Variants in HMGCLL1 observed in about 807,000 individuals in gnomAD.
HMGCLL1 encodes 3-hydroxy-3-methylglutaryl-CoA lyase like 1, also known as 3-hydroxymethyl-3-methylglutaryl-CoA lyase, cytoplasmic.
In HMGCLL1, 36 loss-of-function variants were observed where a neutral mutation model predicts 39.1. The observed-to-expected ratio is 0.92, with a 90% CI of 0.71 to 1.22. HMGCLL1 has a LOEUF of 1.22. Among genes scored for constraint, HMGCLL1 ranks in the 50% most tolerant of loss-of-function variants. The pLI, the probability that HMGCLL1 is intolerant of heterozygous loss-of-function variation, is 0.00. For missense variants in HMGCLL1, 451 were observed against 416.5 expected (o/e 1.08, Z -0.72); for synonymous variants, 149 against 144.0 (o/e 1.03, Z -0.25).
chr6:55,470,101 G>C (rs1033517560), intron 7 of HMGCLL1, among the ~76,000 whole-genome samples: 1 of 151,854 alleles, frequency 6.6e-6, no homozygotes, highest in African/African-American at 2.4e-5. Flanking sequence ...GTCGTTCCTT[G>C]CTGAAGACTC....
At chr6:55,608,052 T>C in the HMGCLL1 span, among the ~76,000 whole-genome samples, 2 of 152,186 alleles carry the variant, frequency 1.3e-5, no homozygotes, top group African/African-American at 4.8e-5. Flanking sequence ...CCAAGACCAT[T>C]TTCTCTCTCC....
chr6:55,516,016 A>G (rs958320745), intron 4 of HMGCLL1, among the ~76,000 whole-genome samples: 89 of 152,054 alleles, frequency 5.9e-4, no homozygotes, highest in Non-Finnish European at 1.2e-3. Flanking sequence ...TAAATCACAG[A>G]GGATCAAAAG....
the HMGCLL1 span, among the ~76,000 whole-genome samples, chr6:55,612,035 T>TGTA: frequency 6.6e-6 from 1 of 151,432 alleles, no homozygotes; most frequent in Non-Finnish European, 1.5e-5. Flanking sequence ...GTAGATGACT[T>TGTA]TATCTAGAAT....
At chr6:55,486,438 G>C (rs1015284259) in intron 7 of HMGCLL1, among the ~76,000 whole-genome samples, 3 of 151,926 alleles carry the variant, frequency 2.0e-5, no homozygotes, top group Non-Finnish European at 4.4e-5. Flanking sequence ...ATATTTCGGG[G>C]GGCAACTCTG....
intron 3 of HMGCLL1, among the ~76,000 whole-genome samples, chr6:55,539,464 A>T (rs1244753906): frequency 6.6e-6 from 1 of 152,138 alleles, no homozygotes; most frequent in Admixed American, 6.6e-5. Context: ...GATAGTCTGG[A>T]TAAAGATAAT....
chr6:55,616,564 G>A, the HMGCLL1 span, among the ~76,000 whole-genome samples: 4 of 151,974 alleles, frequency 2.6e-5, no homozygotes, highest in East Asian at 1.9e-4. Flanking sequence ...GTTGTGATAC[G>A]GCAACAATGA....
At chr6:55,615,632 T>C in the HMGCLL1 span, among the ~76,000 whole-genome samples, 2 of 152,164 alleles carry the variant, frequency 1.3e-5, no homozygotes, top group East Asian at 3.8e-4. Flanking sequence ...AATTTGTACA[T>C]CATGAAAAGA....
At chr6:55,619,232 C>T in the HMGCLL1 span, among the ~76,000 whole-genome samples, 4 of 152,042 alleles carry the variant, frequency 2.6e-5, no homozygotes, top group South Asian at 8.3e-4. Context: ...GGTCTGTGCA[C>T]TCATGTGTTA....
At chr6:55,479,307 A>G (rs982359179) in intron 7 of HMGCLL1, among the ~76,000 whole-genome samples, 1 of 151,530 alleles carries the variant, frequency 6.6e-6, no homozygotes, top group African/African-American at 2.4e-5. Context: ...TCTTAACCAC[A>G]ACACTTTAGA....
intron 7 of HMGCLL1, among the ~76,000 whole-genome samples, chr6:55,490,893 A>AT (rs150751952): frequency 0.034 from 5,077 of 149,912 alleles, 264 homozygotes; most frequent in African/African-American, 0.12. Context: ...ATGTATACCC[A>AT]TTTTTTTTTT....
At chr6:55,547,875 T>C (rs985302244) in intron 1 of HMGCLL1, among the ~76,000 whole-genome samples, 2 of 152,016 alleles carry the variant, frequency 1.3e-5, no homozygotes, top group Admixed American at 6.6e-5. Flanking sequence ...ATACAAACTA[T>C]TATCATTTAT....
rs149966059 is a variant in HMGCLL1 at position 55,463,000 on chromosome 6, T to G, written c.796-23441A>C. Among the ~76,000 whole-genome samples the G allele has an allele frequency of 7.2e-3, 1,094 of 151,416 alleles. 10 individuals are homozygous for G. The highest frequency in any genetic ancestry group is 0.019 in the African/African-American group (793 of 41,264). On this transcript the variant is annotated intron_variant, in intron 7 of 8. Transcript: ENST00000274901. ...CAAAGGAGTTATGCTGGGCTTTTGG[T>G]GTTGAGTCCAATCTTTTCTTTTTTC...
chr6:55,671,395 A>G, the HMGCLL1 span, among the ~76,000 whole-genome samples: 1 of 151,842 alleles, frequency 6.6e-6, no homozygotes, highest in Non-Finnish European at 1.5e-5. Context: ...GAAGTCATTT[A>G]AAGCCATTGA....
At chr6:55,581,540 A>G (rs1428855629), upstream of HMGCLL1, among the ~76,000 whole-genome samples, 2 of 152,078 alleles carry the variant, frequency 1.3e-5, no homozygotes, top group Non-Finnish European at 1.5e-5. Flanking sequence ...ATGTTTTTGT[A>G]CTTAGTATTA....
chr6:55,471,571 C>T (rs1012343963), intron 7 of HMGCLL1, among the ~76,000 whole-genome samples: 1 of 151,644 alleles, frequency 6.6e-6, no homozygotes, highest in Non-Finnish European at 1.5e-5. Context: ...AACATGAAAT[C>T]ACATTTAAAT....
At chr6:55,458,591 G>A (rs889496006) in intron 7 of HMGCLL1, among the ~76,000 whole-genome samples, 5 of 152,172 alleles carry the variant, frequency 3.3e-5, no homozygotes, top group Non-Finnish European at 7.4e-5. Context: ...TGTGTTTAGA[G>A]AGAATTAAGG....
At chr6:55,572,728 T>C (rs578099757) in intron 1 of HMGCLL1, among the ~76,000 whole-genome samples, 2 of 152,268 alleles carry the variant, frequency 1.3e-5, no homozygotes, top group South Asian at 2.1e-4. Context: ...AATTGCACAA[T>C]TGGTATTTTT....
chr6:55,648,391 C>T, the HMGCLL1 span, among the ~76,000 whole-genome samples: 1 of 125,146 alleles, frequency 8.0e-6, no homozygotes, highest in African/African-American at 3.2e-5. Flanking sequence ...GAAATAGAGA[C>T]ACAAAAAACC....
chr6:55,546,956 T>C (rs1299416221), intron 1 of HMGCLL1, among the ~76,000 whole-genome samples: 5 of 152,080 alleles, frequency 3.3e-5, no homozygotes, highest in African/African-American at 1.2e-4. Flanking sequence ...TTCACTTTCA[T>C]AGAGTAACAA....
Sources: allele counts gnomAD v4.1 joint callset (sites outside exome capture counted in the v4.1 genomes callset), GRCh38; gene constraint gnomAD v4.1.1; transcripts MANE v1.5; gene names NCBI Gene and HGNC (gene_info 2026-07-23, HGNC 2026-07-21).